SRPK2: variants seen among roughly 807,000 people sequenced by gnomAD.
SRPK2 encodes SFRS protein kinase 2.
SRPK2 carries 21 observed loss-of-function variants against 90.8 expected under a neutral mutation model. The ratio of observed to expected loss-of-function variants is 0.23; its 90% CI spans 0.16 to 0.33. The LOEUF is 0.33. SRPK2 is among the 10% of genes least tolerant of loss of function. SRPK2 has a pLI of 1.00. For missense variants in SRPK2, 620 were observed against 869.0 expected, an observed-to-expected ratio of 0.71 and a Z score of 3.60; for synonymous variants, 288 against 311.1, an observed-to-expected ratio of 0.93 and a Z score of 0.78.
intron 13 of SRPK2, 68 bp from the exon 14 acceptor site, chr7:105,127,130 T>TTA (rs1326373113): frequency 6.7e-7 from 1 of 1,493,204 alleles, no homozygotes; most frequent in African/African-American, 1.4e-5. Flanking sequence ...CTTTTTCTCC[T>TTA]TATAGAAGAG....
At chr7:105,177,545 T>G (rs1792135091) in intron 3 of SRPK2, among the ~76,000 whole-genome samples, 1 of 152,130 alleles carries the variant, frequency 6.6e-6, no homozygotes, top group Non-Finnish European at 1.5e-5. Flanking sequence ...ATGTAAGTTT[T>G]TAAAAACAGT....
intron 2 of SRPK2, among the ~76,000 whole-genome samples, chr7:105,216,459 C>T (rs557553614): frequency 1.6e-4 from 25 of 152,182 alleles, no homozygotes; most frequent in African/African-American, 6.0e-4. Flanking sequence ...CAAGACCAGT[C>T]TGGCCAATAT....
At chr7:105,285,564 G>T (rs1807982538) in intron 2 of SRPK2, among the ~76,000 whole-genome samples, 1 of 152,146 alleles carries the variant, frequency 6.6e-6, no homozygotes, top group Non-Finnish European at 1.5e-5. Context: ...AGTTTTGGAG[G>T]TGGGGCCTGC....
upstream of SRPK2, among the ~76,000 whole-genome samples, chr7:105,390,616 T>TTTG (rs1554534162): frequency 6.7e-6 from 1 of 148,416 alleles, no homozygotes; most frequent in Non-Finnish European, 1.5e-5. Context: ...TGTTTTTTTT[T>TTTG]TTTTTTTTTT....
intron 11 of SRPK2, among the ~76,000 whole-genome samples, chr7:105,140,125 G>C (rs1803492109): frequency 6.6e-6 from 1 of 151,994 alleles, no homozygotes; most frequent in African/African-American, 2.4e-5. Context: ...GACAAGGGGG[G>C]AAAAATCTGT....
At chr7:105,322,671 T>C (rs1170248922) in intron 2 of SRPK2, among the ~76,000 whole-genome samples, 5 of 151,966 alleles carry the variant, frequency 3.3e-5, no homozygotes, top group Admixed American at 3.3e-4. Context: ...CTGCACAGCA[T>C]TGCAAATGTA....
intron 7 of SRPK2, 60 bp downstream of exon 7, chr7:105,160,447 C>G: frequency 1.1e-6 from 1 of 910,224 alleles, no homozygotes; most frequent in Non-Finnish European, 1.8e-6. Context: ...AAACAGCATT[C>G]ATGTTGAAAG....
chr7:105,323,915 T>C (rs1813219608), intron 2 of SRPK2, among the ~76,000 whole-genome samples: 1 of 151,948 alleles, frequency 6.6e-6, no homozygotes, highest in Non-Finnish European at 1.5e-5. Flanking sequence ...AAATAAATTT[T>C]TGGAAGGATT....
At chr7:105,385,456 G>A (rs1437812199) in intron 2 of SRPK2, among the ~76,000 whole-genome samples, 21 of 152,042 alleles carry the variant, frequency 1.4e-4, no homozygotes, top group African/African-American at 4.1e-4. Flanking sequence ...GATTACAGGC[G>A]TGAGCCACCG....
chr7:105,240,491 T>C (rs1295968614), intron 2 of SRPK2, among the ~76,000 whole-genome samples: 1 of 152,140 alleles, frequency 6.6e-6, no homozygotes, highest in Non-Finnish European at 1.5e-5. Context: ...AACTGAGTCC[T>C]AAGAATATAG....
At chr7:105,335,557 T>C (rs1363500086) in intron 2 of SRPK2, among the ~76,000 whole-genome samples, 4 of 150,828 alleles carry the variant, frequency 2.7e-5, no homozygotes, top group Admixed American at 6.7e-5. Flanking sequence ...CTGGAGATGC[T>C]GAGGTGGGAG....
chr7:105,344,406 C>CTTTTTTTTTTTTTTTT (rs1563264048), intron 2 of SRPK2, among the ~76,000 whole-genome samples: 2 of 128,612 alleles, frequency 1.6e-5, no homozygotes. Context: ...TGCAGCCACA[C>CTTTTTTTTTTTTTTTT]CTTTTTTTTT....
intron 2 of SRPK2, among the ~76,000 whole-genome samples, chr7:105,240,720 T>TGAGA (rs1800699076): frequency 6.6e-6 from 1 of 152,210 alleles, no homozygotes; most frequent in African/African-American, 2.4e-5. Flanking sequence ...CTACAGGTGA[T>TGAGA]GAGAAAGAAT....
intron 7 of SRPK2, 23 bp from the exon 8 acceptor site, chr7:105,146,681 A>G (rs374774615): frequency 9.2e-5 from 148 of 1,610,222 alleles, no homozygotes; most frequent in Middle Eastern, 1.6e-4. Flanking sequence ...AAATCAAGAG[A>G]GAAGATAAGC....
At chr7:105,129,004 T>A (rs1284164047) in intron 13 of SRPK2, among the ~76,000 whole-genome samples, 1 of 152,238 alleles carries the variant, frequency 6.6e-6, no homozygotes. Flanking sequence ...GGAGTCTCGC[T>A]CTGTCACCCA....
At position 105,203,746 on chromosome 7, in the gene SRPK2, A is replaced by T. The variant is rs201377949; in HGVS notation, c.111T>A (p.Pro37=). The change falls in exon 3 of 16, where the codon CCT becomes CCA. Residue 37 remains proline (P), a synonymous_variant. Coordinates refer to ENST00000393651, the MANE Select transcript of SRPK2 (RefSeq NM_182692.3). ...PQQKAPLVPP[P]PPPPPPPPPP... Reference sequence around the variant, plus strand: ...GCGGTGGTGGTGGTGGTGGCGGTGGAGGAGGAGGAACTAAAGGAGCTTTCT... The same window carrying T: ...GCGGTGGTGGTGGTGGTGGCGGTGGTGGAGGAGGAACTAAAGGAGCTTTCT... The T allele has an allele frequency of 1.2e-6, 2 of 1,603,430 alleles. No homozygotes were observed. The highest frequency in any genetic ancestry group is 3.4e-5 in the Admixed American group (2 of 58,230).
chr7:105,230,022 T>C (rs1799232426), intron 2 of SRPK2, among the ~76,000 whole-genome samples: 1 of 152,088 alleles, frequency 6.6e-6, no homozygotes. Flanking sequence ...TAGCCAGCAG[T>C]GGGGAAGACA....
chr7:105,201,703 G>A (rs1395342069), intron 3 of SRPK2, among the ~76,000 whole-genome samples: 1 of 152,038 alleles, frequency 6.6e-6, no homozygotes, highest in African/African-American at 2.4e-5. Flanking sequence ...CTGCTCAGGA[G>A]GCTGAGGTGG....
At chr7:105,128,683 T>G (rs1801551701) in intron 13 of SRPK2, among the ~76,000 whole-genome samples, 2 of 152,318 alleles carry the variant, frequency 1.3e-5, no homozygotes, top group Admixed American at 1.3e-4. Flanking sequence ...ACTAACTCTT[T>G]TAATTAATTT....
Sources: allele counts gnomAD v4.1 joint callset (sites outside exome capture counted in the v4.1 genomes callset), GRCh38; gene constraint gnomAD v4.1.1; transcripts MANE v1.5; gene names NCBI Gene and HGNC (gene_info 2026-07-23, HGNC 2026-07-21).